The following NARS2 variants were observed in gnomAD, a reference collection of about 807,000 sequenced individuals.
NARS2 encodes the protein asparaginyl-tRNA synthetase.
A neutral mutation model predicts 62.9 loss-of-function variants in NARS2; 60 were observed. That is an observed-to-expected ratio of 0.95 (90% CI 0.77 to 1.18). NARS2 has a LOEUF of 1.18. NARS2 is among the 50% of genes most tolerant of loss of function. The pLI is 0.00. For missense variants in NARS2, 619 were observed against 576.4 expected (o/e 1.07, Z -0.76); for synonymous variants, 196 against 200.0 (o/e 0.98, Z 0.17).
chr11:78,493,021 T>C (rs766991364), intron 7 of NARS2, 42 bp downstream of exon 7: 2 of 1,451,192 alleles, frequency 1.4e-6, no homozygotes, highest in Admixed American at 4.8e-5. Flanking sequence ...AGAAACATTT[T>C]AATGTCACAG....
intron 4 of NARS2, among the ~76,000 whole-genome samples, chr11:78,563,848 AAAAAT>A (rs1379908752): frequency 4.6e-3 from 262 of 57,560 alleles, no homozygotes; most frequent in Non-Finnish European, 7.1e-3. Context: ...AAAAAAAAAA[AAAAAT>A]ATATATATAT....
At position 78,443,760 on chromosome 11, in the gene NARS2, T is replaced by C; in HGVS notation, c.1165-2A>G. 1 of 1,593,476 alleles carries C rather than the reference T, an allele frequency of 6.3e-7. No individual in the cohort carries two copies. Among genetic ancestry groups the C allele is most frequent in the Non-Finnish European group, 8.6e-7 (1 of 1,168,262 alleles). ...AACCAGAAGATCAACAGCAGCAACC[T>C]AAGGAAAAAAAAAAAATTATTAGCA... is the stretch of plus-strand genomic sequence containing the variant. On this transcript the variant is annotated splice_acceptor_variant, in intron 11 of 13. Coordinates refer to ENST00000281038, the MANE Select transcript of NARS2 (RefSeq NM_024678.6). LOFTEE classifies it high-confidence loss of function.
chr11:78,549,483 T>C (rs1227889123), intron 5 of NARS2, among the ~76,000 whole-genome samples: 2 of 152,114 alleles, frequency 1.3e-5, no homozygotes, highest in Non-Finnish European at 2.9e-5. Flanking sequence ...GTGGTGGTTG[T>C]GATGAAAGGC....
intron 6 of NARS2, among the ~76,000 whole-genome samples, chr11:78,496,249 G>A (rs72935740): frequency 6.6e-6 from 1 of 152,062 alleles, no homozygotes; most frequent in Non-Finnish European, 1.5e-5. Flanking sequence ...AGTATCCAAA[G>A]ATACTGTTCA....
Position 78,466,029 on chromosome 11 carries a change from A to T in NARS2, c.1027-16T>A. On this transcript the variant is annotated splice_polypyrimidine_tract_variant and intron_variant, in intron 10 of 13. Coordinates refer to ENST00000281038, the MANE Select transcript of NARS2 (RefSeq NM_024678.6). ...CAGCACCCCACTGTAATGAGAAGAA[A>T]GAAATGACCAAAAGAGGAGACAGAG... 1 of 1,571,786 alleles carries T rather than the reference A, an allele frequency of 6.4e-7. No individual in the cohort carries two copies. Among genetic ancestry groups the T allele is most frequent in the Non-Finnish European group, 8.6e-7 (1 of 1,163,512 alleles).
intron 10 of NARS2, among the ~76,000 whole-genome samples, chr11:78,468,604 C>T (rs993398528): frequency 7.3e-5 from 11 of 151,566 alleles, no homozygotes; most frequent in Non-Finnish European, 1.6e-4. Flanking sequence ...CGGGGTTTCA[C>T]CATGTTAGCC....
intron 6 of NARS2, among the ~76,000 whole-genome samples, chr11:78,506,694 C>T (rs923888133): frequency 3.3e-5 from 5 of 152,184 alleles, no homozygotes; most frequent in South Asian, 2.1e-4. Context: ...TGCCACCATG[C>T]CCAGCTAATT....
In NARS2 at chr11:78,563,851, A is replaced by AAAT. The variant is rs1404770578; in HGVS notation, c.513+2280_513+2281insATT. On this transcript the variant is annotated intron_variant, in intron 4 of 13. Transcript: ENST00000281038. ...TATCAAAAAAAAAAAAAAAAAAAAA[A>AAAT]ATATATATATATATATATGTATACA... is the stretch of plus-strand genomic sequence containing the variant. Among the ~76,000 whole-genome samples, 183 of 33,978 alleles carry AAAT rather than the reference A, an allele frequency of 5.4e-3. 3 individuals are homozygous for AAAT. Among genetic ancestry groups the AAAT allele is most frequent in the African/African-American group, 8.0e-3 (85 of 10,616 alleles). The allele number at this position is 33,978 out of a possible 152,430, so 22.3% of individuals were successfully genotyped here. A position where few individuals can be genotyped will look rare whatever the true frequency, so the allele number is the denominator to read the frequency against.
chr11:78,493,120 C>G lies in NARS2; in HGVS notation c.765G>C (p.Glu255Asp). Residue 255 changes from glutamate to aspartate, a missense_variant, in exon 7 of 14, where the codon GAG (glutamate) becomes GAC (aspartate). Coordinates refer to ENST00000281038, the MANE Select transcript of NARS2 (RefSeq NM_024678.6). ...ENSQSRRHLA[E>D]FYMIEAEISF... is the part of the protein sequence containing the mutation. ...AAATCTCTGCTTCTATCATATAAAA[C>G]TCTGCCAGGTGCCTCCGGCTCTGAG... 3 of 1,614,052 alleles carry G rather than the reference C, an allele frequency of 1.9e-6. No homozygotes were observed. The highest frequency in any genetic ancestry group is 2.5e-6 in the Non-Finnish European group (3 of 1,179,932).
At chr11:78,535,902 C>T (rs973371058) in intron 5 of NARS2, among the ~76,000 whole-genome samples, 3 of 152,084 alleles carry the variant, frequency 2.0e-5, no homozygotes, top group African/African-American at 7.2e-5. Flanking sequence ...CAGGTGTGAG[C>T]CACCGAGCCC....
chr11:78,463,881 T>C (rs1858501081), intron 11 of NARS2, among the ~76,000 whole-genome samples: 1 of 152,108 alleles, frequency 6.6e-6, no homozygotes. Context: ...TTCTATTTGA[T>C]AGTCCAAACC....
At chr11:78,476,100 G>A (rs983713430) in intron 9 of NARS2, among the ~76,000 whole-genome samples, 1 of 152,198 alleles carries the variant, frequency 6.6e-6, no homozygotes, top group African/African-American at 2.4e-5. Context: ...AGGTGGGGTG[G>A]CTGCCCTGTA....
At chr11:78,524,698 C>T (rs76585345) in intron 6 of NARS2, among the ~76,000 whole-genome samples, 1 of 151,704 alleles carries the variant, frequency 6.6e-6, no homozygotes, top group Non-Finnish European at 1.5e-5. Flanking sequence ...AAAAAAAAAA[C>T]TCTGTCTACT....
At chr11:78,532,716 A>G (rs1005097099) in intron 5 of NARS2, among the ~76,000 whole-genome samples, 3 of 152,184 alleles carry the variant, frequency 2.0e-5, no homozygotes, top group South Asian at 4.1e-4. Flanking sequence ...ATTCTTTGTT[A>G]TAGATTAACA....
chr11:78,457,797 AACACACACACAC>A (rs10556136), intron 11 of NARS2, among the ~76,000 whole-genome samples: 2,187 of 148,470 alleles, frequency 0.015, 54 homozygotes, highest in African/African-American at 0.051. Context: ...ATTATGTAAC[AACACACACACAC>A]ACACACACAC....
At position 78,549,012 on chromosome 11, in the gene NARS2, T is replaced by G. The variant is rs1050741481; in HGVS notation, c.594+10527A>C. Among the ~76,000 whole-genome samples the G allele has an allele frequency of 3.9e-5, 6 of 152,300 alleles. No individual in the cohort carries two copies. The South Asian group carries it at 1.2e-3, about 32-fold the overall frequency. ...AATTAGAGCCAAGATCACAGGGCTC[T>G]AGCAAGAGGGGCAGCATGCAGGCAT... On this transcript the variant is annotated intron_variant, in intron 5 of 13. Transcript: ENST00000281038.
chr11:78,534,763 T>C (rs933372068), intron 5 of NARS2, among the ~76,000 whole-genome samples: 1 of 152,196 alleles, frequency 6.6e-6, no homozygotes, highest in Non-Finnish European at 1.5e-5. Context: ...AGTAAATATT[T>C]CTTCAATTGA....
chr11:78,572,152 A>G (rs1856951352), intron 1 of NARS2, among the ~76,000 whole-genome samples: 1 of 152,214 alleles, frequency 6.6e-6, no homozygotes, highest in African/African-American at 2.4e-5. Context: ...AGTGCACTCC[A>G]GCCTGGGTGA....
intron 7 of NARS2, among the ~76,000 whole-genome samples, chr11:78,487,069 A>G (rs375729813): frequency 1.3e-5 from 2 of 152,196 alleles, no homozygotes; most frequent in South Asian, 4.1e-4. Flanking sequence ...GAAAGAAAAA[A>G]TACTAGCCAG....
Sources: allele counts gnomAD v4.1 joint callset (sites outside exome capture counted in the v4.1 genomes callset), GRCh38; gene constraint gnomAD v4.1.1; transcripts MANE v1.5; gene names NCBI Gene and HGNC (gene_info 2026-07-23, HGNC 2026-07-21).